The following SAMD12 variants were observed in gnomAD, a reference collection of about 807,000 sequenced individuals.
SAMD12 encodes the protein sterile alpha motif domain-containing protein 12.
A neutral mutation model predicts 15.0 loss-of-function variants in SAMD12; 9 were observed. The ratio of observed to expected loss-of-function variants is 0.60; its 90% CI spans 0.36 to 1.05. SAMD12 has a LOEUF of 1.05. SAMD12 is among the 50% of genes least tolerant of loss of function. SAMD12 has a pLI of 0.01. For missense variants in SAMD12, 230 were observed against 234.2 expected, an observed-to-expected ratio of 0.98 and a Z score of 0.12; for synonymous variants, 86 against 90.1, an observed-to-expected ratio of 0.96 and a Z score of 0.25.
At chr8:118,407,158 G>C (rs1205552011) in intron 3 of SAMD12, among the ~76,000 whole-genome samples, 1 of 152,006 alleles carries the variant, frequency 6.6e-6, no homozygotes, top group East Asian at 1.9e-4. Flanking sequence ...TCAAGGTTCT[G>C]GTTTCAATTC....
At chr8:118,503,193 A>G (rs775352960) in intron 2 of SAMD12, among the ~76,000 whole-genome samples, 8 of 152,248 alleles carry the variant, frequency 5.3e-5, no homozygotes, top group Admixed American at 1.3e-4. Flanking sequence ...ACAGCAATTT[A>G]AAATAAATCC....
At chr8:118,234,185 A>G (rs1000142897) in intron 4 of SAMD12, among the ~76,000 whole-genome samples, 6 of 152,050 alleles carry the variant, frequency 3.9e-5, no homozygotes, top group African/African-American at 1.4e-4. Flanking sequence ...TTTGGTGAAG[A>G]CTACATGAAA....
the SAMD12 span, among the ~76,000 whole-genome samples, chr8:118,166,250 A>C: frequency 6.6e-6 from 1 of 152,180 alleles, no homozygotes; most frequent in African/African-American, 2.4e-5. Context: ...TATCAGTGCA[A>C]CTTACTGAAA....
In SAMD12 at chr8:118,610,422, C is replaced by A. The variant is rs74790817; in HGVS notation, c.13+11382G>T. On this transcript the variant is annotated intron_variant, in intron 1 of 3. Coordinates refer to ENST00000314727, the MANE Select transcript of SAMD12 (RefSeq NM_207506.3). ...ACAGTAGAGTGAAAAAGCAAGGACT[C>A]TGGCATACGGCAGACATCGCTACAA... Among the ~76,000 whole-genome samples the A allele has an allele frequency of 9.9e-3, 1,507 of 152,308 alleles. 30 individuals carry two copies. Among genetic ancestry groups the A allele is most frequent in the African/African-American group, 0.034 (1,414 of 41,568 alleles).
intron 4 of SAMD12, among the ~76,000 whole-genome samples, chr8:118,323,162 T>C (rs1393219988): frequency 6.6e-6 from 1 of 152,224 alleles, no homozygotes; most frequent in Non-Finnish European, 1.5e-5. Context: ...AGTCACCCAC[T>C]GACCTGCAGC....
chr8:118,318,536 A>G (rs1214185783), intron 4 of SAMD12, among the ~76,000 whole-genome samples: 1 of 151,782 alleles, frequency 6.6e-6, no homozygotes, highest in Non-Finnish European at 1.5e-5. Context: ...AGAAGCATAC[A>G]GAATGATATA....
At chr8:118,200,386 G>A (rs1385970596) in intron 4 of SAMD12, among the ~76,000 whole-genome samples, 1 of 131,346 alleles carries the variant, frequency 7.6e-6, no homozygotes. Flanking sequence ...GCACGATGAA[G>A]GGCCCTATTA....
downstream of SAMD12, among the ~76,000 whole-genome samples, chr8:118,188,774 AT>A (rs34305004): frequency 2.0e-4 from 30 of 149,946 alleles, no homozygotes; most frequent in South Asian, 8.5e-4. Context: ...TATTCAGGGG[AT>A]TTTTTTTTTA....
intron 3 of SAMD12, among the ~76,000 whole-genome samples, chr8:118,407,139 AAT>A (rs1344964456): frequency 2.0e-5 from 3 of 152,258 alleles, no homozygotes; most frequent in South Asian, 4.1e-4. Context: ...TGGGTGTACA[AAT>A]ATTTCTTCAA....
chr8:118,168,713 A>AG, the SAMD12 span, among the ~76,000 whole-genome samples: 1 of 152,192 alleles, frequency 6.6e-6, no homozygotes, highest in Non-Finnish European at 1.5e-5. Flanking sequence ...TAATAAGCTT[A>AG]GGAAAAAAAA....
chr8:118,247,675 C>T (rs1051117525), intron 4 of SAMD12, among the ~76,000 whole-genome samples: 1 of 152,014 alleles, frequency 6.6e-6, no homozygotes, highest in Non-Finnish European at 1.5e-5. Context: ...TCACTGCAAC[C>T]TCCACCTCCC....
At chr8:118,614,972 G>C (rs1828205633) in intron 1 of SAMD12, among the ~76,000 whole-genome samples, 1 of 152,196 alleles carries the variant, frequency 6.6e-6, no homozygotes, top group South Asian at 2.1e-4. Context: ...TTGCTCTTGT[G>C]GTTTCAAAAG....
At chr8:118,599,371 C>T (rs1372469647) in intron 1 of SAMD12, among the ~76,000 whole-genome samples, 1 of 152,134 alleles carries the variant, frequency 6.6e-6, no homozygotes, top group Non-Finnish European at 1.5e-5. Flanking sequence ...TCTACCATTC[C>T]GAATTTAACA....
At chr8:118,214,059 T>A (rs548229065) in intron 4 of SAMD12, among the ~76,000 whole-genome samples, 3 of 152,336 alleles carry the variant, frequency 2.0e-5, no homozygotes, top group Admixed American at 6.5e-5. Context: ...AATATACTTG[T>A]GATACTGTCA....
At chr8:118,523,901 T>G (rs1161046608) in intron 2 of SAMD12, among the ~76,000 whole-genome samples, 1 of 152,168 alleles carries the variant, frequency 6.6e-6, no homozygotes, top group East Asian at 1.9e-4. Flanking sequence ...TGAACCCACT[T>G]ACTCTGCCTT....
chr8:118,561,129 T>TC (rs576913534), intron 2 of SAMD12, among the ~76,000 whole-genome samples: 1 of 152,008 alleles, frequency 6.6e-6, no homozygotes, highest in Non-Finnish European at 1.5e-5. Flanking sequence ...CAAAACCCTC[T>TC]CCCCAGGGTG....
chr8:118,553,293 T>C (rs1331752209), intron 2 of SAMD12, among the ~76,000 whole-genome samples: 2 of 152,150 alleles, frequency 1.3e-5, no homozygotes, highest in African/African-American at 2.4e-5. Context: ...ACTACAAGGC[T>C]ACAGTAACCA....
rs73318086 is a variant in SAMD12, at chr8:118,249,638, G to A, written c.434-51906C>T. On this transcript the variant is annotated intron_variant, in intron 4 of 4. Transcript: ENST00000409003. ...ACAATAGTATCTTCTAAAAGATTTT[G>A]TGTTTTAGAAAGTAAGAAAGGTAAT... Among the ~76,000 whole-genome samples the A allele has an allele frequency of 7.7e-3, 1,178 of 152,200 alleles. 13 individuals carry two copies. The highest frequency in any genetic ancestry group is 0.027 in the African/African-American group (1,130 of 41,518).
chr8:118,189,626 T>C (rs1225625618), exon 5 of SAMD12: 1 of 152,122 alleles, frequency 6.6e-6, no homozygotes, highest in Non-Finnish European at 1.5e-5. Context: ...CAGTTTCATT[T>C]TTATCCATTT....
Sources: gnomAD v4.1 joint callset for allele counts (sites outside exome capture counted in the v4.1 genomes callset) on GRCh38, gnomAD v4.1.1 for gene constraint, MANE v1.5 for transcripts, NCBI Gene and HGNC (gene_info 2026-07-23, HGNC 2026-07-21) for gene names.